Variants in ZFYVE1 observed in about 807,000 individuals in gnomAD.
ZFYVE1 encodes the protein zinc finger FYVE-type containing 1.
ZFYVE1 carries 30 observed loss-of-function variants against 74.4 expected under a neutral mutation model. The ratio of observed to expected loss-of-function variants is 0.40; its 90% CI spans 0.30 to 0.55. The LOEUF is 0.55. Among genes scored for constraint, ZFYVE1 ranks in the 20% least tolerant of loss-of-function variants. The pLI is 0.42. For synonymous variants in ZFYVE1, 335 were observed against 385.1 expected (o/e 0.87, Z 1.52); for missense variants, 703 against 1,011.6 (o/e 0.69, Z 4.14).
intron 1 of ZFYVE1, among the ~76,000 whole-genome samples, 158 bp from the exon 2 acceptor site, chr14:73,025,100 C>T (rs1894430026): frequency 6.8e-6 from 1 of 146,378 alleles, no homozygotes; most frequent in African/African-American, 2.5e-5. Flanking sequence ...CAGAGTTTTG[C>T]TCTTGCTGCC....
chr14:73,022,815 A>G (rs1361672274), intron 2 of ZFYVE1, among the ~76,000 whole-genome samples: 1 of 152,098 alleles, frequency 6.6e-6, no homozygotes, highest in Non-Finnish European at 1.5e-5. Context: ...AATATCCCCT[A>G]GTCATTCTGT....
chr14:72,979,208 A>G (rs1169174324), intron 5 of ZFYVE1: 2 of 448,898 alleles, frequency 4.5e-6, no homozygotes, highest in East Asian at 8.1e-5. Context: ...ACAGGGGAAA[A>G]AGAAATCTCA....
chr14:73,016,158 T>C (rs1004246088), intron 2 of ZFYVE1, among the ~76,000 whole-genome samples: 1 of 152,180 alleles, frequency 6.6e-6, no homozygotes, highest in African/African-American at 2.4e-5. Context: ...GTGTTGCCTC[T>C]GGCTTCAAGA....
chr14:72,973,426 T>A (rs1375278020), intron 11 of ZFYVE1, among the ~76,000 whole-genome samples: 1 of 151,600 alleles, frequency 6.6e-6, no homozygotes, highest in Non-Finnish European at 1.5e-5. Context: ...AAGGCGGAGG[T>A]TGCAGTGAGC....
intron 2 of ZFYVE1, among the ~76,000 whole-genome samples, chr14:73,001,635 C>A (rs925068339): frequency 2.0e-5 from 3 of 152,038 alleles, no homozygotes; most frequent in Non-Finnish European, 4.4e-5. Context: ...ACCTCCCACC[C>A]CCAATTATCA....
At chr14:73,015,122 T>C (rs1894162221) in intron 2 of ZFYVE1, among the ~76,000 whole-genome samples, 1 of 150,374 alleles carries the variant, frequency 6.7e-6, no homozygotes, top group African/African-American at 2.5e-5. Flanking sequence ...TCCCAGCTAC[T>C]CAGGAGGCTG....
intron 2 of ZFYVE1, among the ~76,000 whole-genome samples, chr14:73,004,460 C>CTATATA (rs34805449): frequency 6.9e-4 from 103 of 150,146 alleles, no homozygotes; most frequent in African/African-American, 1.8e-3. Flanking sequence ...AAATGATGTA[C>CTATATA]TATATATATA....
intron 11 of ZFYVE1, among the ~76,000 whole-genome samples, chr14:72,972,317 C>A (rs1594827051): frequency 6.6e-6 from 1 of 152,212 alleles, no homozygotes; most frequent in African/African-American, 2.4e-5. Context: ...GCCTGACACA[C>A]TGGCCTGGTA....
At chr14:73,013,126 AG>A (rs1690241256) in intron 2 of ZFYVE1, among the ~76,000 whole-genome samples, 1 of 152,286 alleles carries the variant, frequency 6.6e-6, no homozygotes, top group East Asian at 1.9e-4. Context: ...GAAGGAAATC[AG>A]GAAGGGACCG....
At chr14:72,993,403 A>T in intron 3 of ZFYVE1, 46 bp from the exon 4 acceptor site, 5 of 960,932 alleles carry the variant, frequency 5.2e-6, no homozygotes, top group African/African-American at 1.8e-5. Context: ...GTGACATTTA[A>T]AAAAAAAAAA....
chr14:72,983,917 G>T (rs1253659829), intron 4 of ZFYVE1, among the ~76,000 whole-genome samples: 38 of 152,168 alleles, frequency 2.5e-4, no homozygotes, highest in Admixed American at 2.5e-3. Flanking sequence ...ACACCAGTTA[G>T]AATGGCGATC....
rs549276269 is a variant in ZFYVE1 at position 72,975,423 on chromosome 14, T to A, written c.1806+128A>T. 4.0e-5 allele frequency: 49 copies of A among 1,230,438 alleles called. No homozygotes were observed. The South Asian group carries it at 6.9e-4, about 17-fold the overall frequency. The allele number at this position is 1,230,438 out of a possible 1,614,324, so 76.2% of individuals were successfully genotyped here. ...CAACGACTCCTCCCCTTGCCGGTAC[T>A]CACAGAGCTCACTGCACTGGCAGAA... On this transcript the variant is annotated intron_variant, in intron 9 of 11. Transcript: ENST00000556143. The surrounding 1 kb of genome is among the most constrained non-coding windows in gnomAD (Gnocchi z 4.1).
At chr14:72,984,077 A>G (rs1286212853) in intron 4 of ZFYVE1, among the ~76,000 whole-genome samples, 1 of 152,174 alleles carries the variant, frequency 6.6e-6, no homozygotes, top group Admixed American at 6.5e-5. Context: ...TCACCCAAGG[A>G]CATTCTCACT....
At chr14:72,971,390 G>A (rs1180449016) in intron 11 of ZFYVE1, among the ~76,000 whole-genome samples, 4 of 152,096 alleles carry the variant, frequency 2.6e-5, no homozygotes, top group African/African-American at 9.7e-5. Flanking sequence ...AGGTTGGAGT[G>A]CAGTATCACG....
At chr14:73,012,937 T>C (rs1048357891) in intron 2 of ZFYVE1, among the ~76,000 whole-genome samples, 22 of 152,226 alleles carry the variant, frequency 1.4e-4, no homozygotes, top group African/African-American at 4.3e-4. Flanking sequence ...AGCTAGAAAG[T>C]AGAGGAATTT....
intron 4 of ZFYVE1, among the ~76,000 whole-genome samples, chr14:72,983,941 A>G (rs1594837299): frequency 1.3e-5 from 2 of 152,306 alleles, no homozygotes; most frequent in East Asian, 1.9e-4. Context: ...AAAAAGTCCA[A>G]TGCAGTCTTA....
Position 72,993,101 on chromosome 14 carries a change from T to C in ZFYVE1, c.1203+42A>G, listed in dbSNP as rs1352286462. ...CGAACTGAGTGTTCTCACCACCCACTGGCACCCCAATGAGAAGCCCTTGGG... is the reference window on the plus strand; with the variant it reads ...CGAACTGAGTGTTCTCACCACCCACCGGCACCCCAATGAGAAGCCCTTGGG... On this transcript the variant is annotated intron_variant, in intron 4 of 11. Transcript: ENST00000556143. 3 of 1,527,854 alleles carry C rather than the reference T, an allele frequency of 2.0e-6. No homozygotes were observed. The African/African-American group carries it at 4.1e-5, about 21-fold the overall frequency. The allele number at this position is 1,527,854 out of a possible 1,614,324, so 94.6% of individuals were successfully genotyped here.
At position 72,993,476 on chromosome 14, in the gene ZFYVE1, G is replaced by A. The variant is rs1594846463; in HGVS notation, c.989-119C>T. The A allele has an allele frequency of 1.2e-5, 10 of 861,030 alleles. No homozygotes were observed. In the East Asian group the frequency reaches 2.7e-4, roughly 23 times the overall value. 53.3% of individuals were successfully genotyped at this position (861,030 alleles called of 1,614,324 possible). On this transcript the variant is annotated intron_variant, in intron 3 of 11. Transcript: ENST00000556143. Reference sequence around the variant, plus strand: ...CTAGCACTTTGGGAGGCCAAGGTGGGTGGATCACCCGAGGTCAGGAGTTCA... The same window carrying A: ...CTAGCACTTTGGGAGGCCAAGGTGGATGGATCACCCGAGGTCAGGAGTTCA...
rs369351996 is a variant in ZFYVE1, at chr14:73,025,522, C to A, written c.-434-580G>T. On this transcript the variant is annotated intron_variant, in intron 1 of 11. Transcript: ENST00000556143. ...ACTACCCTGTCCAACATGGTGAAAT[C>A]CCATCTCTACTAAAAATACAAATAT... is the stretch of plus-strand genomic sequence containing the variant. Among the ~76,000 whole-genome samples the A allele has an allele frequency of 1.8e-4, 28 of 151,612 alleles. No homozygotes were observed. In the East Asian group the frequency reaches 4.4e-3, roughly 24 times the overall value.
Sources: allele counts gnomAD v4.1 joint callset (sites outside exome capture counted in the v4.1 genomes callset), GRCh38; gene constraint gnomAD v4.1.1; non-coding constraint Gnocchi (gnomAD v3.1); transcripts MANE v1.5; gene names NCBI Gene and HGNC (gene_info 2026-07-23, HGNC 2026-07-21).